The following MAP4K3 variants were observed in gnomAD, a reference collection of about 807,000 sequenced individuals.
MAP4K3 encodes the protein mitogen-activated protein kinase kinase kinase kinase 3, also known as MAPK/ERK kinase kinase kinase 3.
MAP4K3 carries 94 observed loss-of-function variants against 143.5 expected under a neutral mutation model. The observed-to-expected ratio is 0.65, with a 90% CI of 0.55 to 0.78. The LOEUF (loss-of-function observed/expected upper bound fraction) is 0.78. MAP4K3 is among the 30% of genes least tolerant of loss of function. The pLI is 0.00. For missense variants in MAP4K3, 1,077 were observed against 1,068.1 expected, an observed-to-expected ratio of 1.01 and a Z score of -0.12; for synonymous variants, 416 against 347.2, an observed-to-expected ratio of 1.20 and a Z score of -2.20.
At chr2:39,413,067 A>T (rs145939780) in intron 1 of MAP4K3, among the ~76,000 whole-genome samples, 151 of 152,336 alleles carry the variant, frequency 9.9e-4, no homozygotes, top group African/African-American at 3.5e-3. Flanking sequence ...AAGGATTATA[A>T]AATGTCAAGC....
chr2:39,405,967 G>A (rs1667082220), intron 1 of MAP4K3, among the ~76,000 whole-genome samples: 1 of 152,022 alleles, frequency 6.6e-6, no homozygotes, highest in Non-Finnish European at 1.5e-5. Context: ...TAGCTGTGTT[G>A]AGGAAACTAA....
chr2:39,355,291 G>A (rs555709410), intron 3 of MAP4K3, among the ~76,000 whole-genome samples: 2 of 148,628 alleles, frequency 1.3e-5, no homozygotes, highest in South Asian at 2.2e-4. Context: ...AACCCGGGAG[G>A]TGGAAGGTGC....
At chr2:39,363,794 T>C (rs556650046) in intron 2 of MAP4K3, among the ~76,000 whole-genome samples, 3 of 151,308 alleles carry the variant, frequency 2.0e-5, no homozygotes, top group South Asian at 2.1e-4. Context: ...AAACAAACAG[T>C]ATACAATTTT....
chr2:39,332,119 A>T (rs1683704127), intron 7 of MAP4K3, 130 bp from the exon 8 acceptor site: 2 of 492,010 alleles, frequency 4.1e-6, no homozygotes, highest in South Asian at 9.3e-5. Flanking sequence ...ATTCTCAAAC[A>T]TCACATTACA....
chr2:39,282,162 T>C (rs189453519), intron 22 of MAP4K3, among the ~76,000 whole-genome samples: 74 of 149,930 alleles, frequency 4.9e-4, no homozygotes, highest in Admixed American at 3.9e-3. Context: ...GCCACTGCAC[T>C]CTAGCCTGGG....
chr2:39,377,676 G>T (rs1666255771), intron 2 of MAP4K3, among the ~76,000 whole-genome samples: 1 of 152,180 alleles, frequency 6.6e-6, no homozygotes, highest in Admixed American at 6.5e-5. Flanking sequence ...AGTTCACAGA[G>T]CAAGGGAGTG....
intron 28 of MAP4K3, among the ~76,000 whole-genome samples, chr2:39,262,989 A>G (rs1680626493): frequency 6.6e-6 from 1 of 151,890 alleles, no homozygotes; most frequent in South Asian, 2.1e-4. Flanking sequence ...GCTACTCGGG[A>G]GGCTGAGGCA....
chr2:39,368,114 C>T (rs532801186), intron 2 of MAP4K3, among the ~76,000 whole-genome samples: 2 of 152,086 alleles, frequency 1.3e-5, no homozygotes, highest in African/African-American at 4.8e-5. Context: ...AAGGAAGGTA[C>T]CCGTAACTCA....
chr2:39,413,887 T>A (rs1667298377), intron 1 of MAP4K3, among the ~76,000 whole-genome samples: 2 of 152,086 alleles, frequency 1.3e-5, no homozygotes, highest in Admixed American at 1.3e-4. Context: ...AAATATACGA[T>A]TCAGATATAT....
At chr2:39,325,982 T>C (rs1239583056) in intron 9 of MAP4K3, 21 bp from the exon 10 acceptor site, 1 of 1,565,228 alleles carries the variant, frequency 6.4e-7, no homozygotes, top group Non-Finnish European at 8.7e-7. Flanking sequence ...AACAAATCAT[T>C]ACACAGCATT....
chr2:39,435,771 A>C (rs954288780), intron 1 of MAP4K3, among the ~76,000 whole-genome samples: 1 of 152,256 alleles, frequency 6.6e-6, no homozygotes, highest in African/African-American at 2.4e-5. Flanking sequence ...TGGGCTCAAT[A>C]TATCTATATT....
intron 23 of MAP4K3, among the ~76,000 whole-genome samples, chr2:39,279,399 A>G (rs992329452): frequency 7.9e-5 from 12 of 152,178 alleles, no homozygotes; most frequent in African/African-American, 2.9e-4. Flanking sequence ...TTCCTTGCCT[A>G]TGACATAAAA....
intron 13 of MAP4K3, 141 bp from the exon 14 acceptor site, chr2:39,309,660 C>T: frequency 7.5e-6 from 4 of 536,268 alleles, no homozygotes; most frequent in Non-Finnish European, 1.3e-5. Context: ...TGGGTTCCCA[C>T]CATTTCCCTG....
At position 39,258,379 on chromosome 2, in the gene MAP4K3, T is replaced by C. The variant is rs1349610385; in HGVS notation, c.2439A>G (p.Glu813=). The C allele has an allele frequency of 6.2e-7, 1 of 1,609,802 alleles. No individual in the cohort carries two copies. The highest frequency in any genetic ancestry group is 8.5e-7 in the Non-Finnish European group (1 of 1,177,828). Residue 813 remains glutamate (E), a synonymous_variant, in exon 31 of 34, where the codon GAA becomes GAG. Coordinates refer to ENST00000263881, the MANE Select transcript of MAP4K3 (RefSeq NM_003618.4). ...ATTCAATCTGGAAATCAAAGGTGAG[T>C]TCTGATGACAATTTCCTGCTAGATT... is the stretch of plus-strand genomic sequence containing the variant. ...RLKSSRKLSS[E]LTFDFQIESI... is the part of the protein sequence containing the mutation.
At chr2:39,340,536 T>C (rs968243538) in intron 4 of MAP4K3, among the ~76,000 whole-genome samples, 2 of 152,132 alleles carry the variant, frequency 1.3e-5, no homozygotes, top group African/African-American at 4.8e-5. Context: ...ACCAGTTAGG[T>C]TGAAATGGAA....
rs146692685 is a variant in MAP4K3, at chr2:39,333,469, AAC to A, written c.457+61_457+62del. ...GGGAAAACCTGGTCCTACAAAGGAA[AAC>A]ATAAACTTTACTATATCTTAGAATA... On this transcript the variant is annotated intron_variant, in intron 7 of 33. Coordinates refer to ENST00000263881, the MANE Select transcript of MAP4K3 (RefSeq NM_003618.4). The A allele has an allele frequency of 0.01, 13,238 of 1,299,022 alleles. 1,080 individuals carry two copies. In the African/African-American group the frequency reaches 0.17, roughly 17 times the overall value. The allele number at this position is 1,299,022 out of a possible 1,614,324, so 80.5% of individuals were successfully genotyped here.
rs554946914 is a variant in MAP4K3 at position 39,328,495 on chromosome 2, A to G, written c.531-2218T>C. On this transcript the variant is annotated intron_variant, in intron 8 of 33. Coordinates refer to ENST00000263881, the MANE Select transcript of MAP4K3 (RefSeq NM_003618.4). ...CTACAGATTATATGATTCCATTTCT[A>G]TGCCACTCAAGAAAAAGGCACAAAT... is the stretch of plus-strand genomic sequence containing the variant. 9.2e-5 allele frequency among the ~76,000 whole-genome samples: 14 copies of G among 152,314 alleles called. No individual in the cohort carries two copies. In the South Asian group the frequency reaches 2.7e-3, roughly 29 times the overall value.
intron 29 of MAP4K3, among the ~76,000 whole-genome samples, chr2:39,260,304 C>T (rs1269004325): frequency 2.6e-5 from 4 of 151,970 alleles, no homozygotes; most frequent in Non-Finnish European, 5.9e-5. Flanking sequence ...TTTTTAGAGA[C>T]AGGGTCTTGC....
At chr2:39,361,730 ATAT>A (rs1253722530) in intron 2 of MAP4K3, among the ~76,000 whole-genome samples, 1 of 151,032 alleles carries the variant, frequency 6.6e-6, no homozygotes, top group East Asian at 1.9e-4. Context: ...ATTTAATTTA[ATAT>A]TATTAAATTA....
Sources: allele counts gnomAD v4.1 joint callset (sites outside exome capture counted in the v4.1 genomes callset), GRCh38; gene constraint gnomAD v4.1.1; transcripts MANE v1.5; gene names NCBI Gene and HGNC (gene_info 2026-07-23, HGNC 2026-07-21).